RARB: variants seen among roughly 807,000 people sequenced by gnomAD.
RARB encodes HBV-activated protein.
A neutral mutation model predicts 51.9 loss-of-function variants in RARB; 17 were observed. That is an observed-to-expected ratio of 0.33 (90% CI 0.22 to 0.49). RARB has a LOEUF of 0.49. Among genes scored for constraint, RARB ranks in the 20% least tolerant of loss-of-function variants. The pLI is 0.99. For missense variants in RARB, 369 were observed against 550.8 expected, an observed-to-expected ratio of 0.67 and a Z score of 3.30; for synonymous variants, 215 against 195.4, an observed-to-expected ratio of 1.10 and a Z score of -0.84.
chr3:25,290,292 A>G (rs981668867), intron 5 of RARB, among the ~76,000 whole-genome samples: 1 of 152,190 alleles, frequency 6.6e-6, no homozygotes, highest in Non-Finnish European at 1.5e-5. Context: ...CCTTATGAGA[A>G]GACAAGATTA....
At chr3:24,871,261 G>C (rs1195400378) in intron 2 of RARB, among the ~76,000 whole-genome samples, 1 of 152,044 alleles carries the variant, frequency 6.6e-6, no homozygotes, top group Non-Finnish European at 1.5e-5. Flanking sequence ...TTTTATTTTA[G>C]TTGTTGATGT....
chr3:25,586,704 G>A (rs1291663877), intron 5 of RARB, among the ~76,000 whole-genome samples: 3 of 152,142 alleles, frequency 2.0e-5, no homozygotes, highest in Admixed American at 6.5e-5. Context: ...GCTCCTTGAC[G>A]CCCTGGAGAC....
chr3:25,580,768 G>C (rs770986192), intron 5 of RARB, 46 bp downstream of exon 5: 2 of 1,520,490 alleles, frequency 1.3e-6, no homozygotes, highest in African/African-American at 2.7e-5. Flanking sequence ...AGGGAGAGAG[G>C]GCACCGTGGA....
chr3:24,909,409 T>G (rs1360499530), intron 2 of RARB, among the ~76,000 whole-genome samples: 1 of 152,128 alleles, frequency 6.6e-6, no homozygotes, highest in Non-Finnish European at 1.5e-5. Flanking sequence ...GCACATTAAT[T>G]TTTGACGTAT....
At chr3:25,297,536 T>A (rs1022309893) in intron 5 of RARB, among the ~76,000 whole-genome samples, 4 of 152,022 alleles carry the variant, frequency 2.6e-5, no homozygotes, top group Admixed American at 2.6e-4. Flanking sequence ...GAATCATGGT[T>A]TGTTTGTTTT....
At chr3:24,866,334 C>T (rs1012781378) in intron 2 of RARB, among the ~76,000 whole-genome samples, 4 of 152,134 alleles carry the variant, frequency 2.6e-5, no homozygotes, top group African/African-American at 9.7e-5. Flanking sequence ...CCACTCTACT[C>T]TCAACTCCTC....
At chr3:25,448,988 C>G (rs561080676) in intron 1 of RARB, among the ~76,000 whole-genome samples, 48 of 151,986 alleles carry the variant, frequency 3.2e-4, no homozygotes, top group African/African-American at 1.1e-3. Context: ...TATTGCACAA[C>G]CAATTCTGGA....
chr3:25,121,566 C>A (rs972935894), intron 3 of RARB, among the ~76,000 whole-genome samples: 1 of 152,020 alleles, frequency 6.6e-6, no homozygotes, highest in African/African-American at 2.4e-5. Flanking sequence ...TTTGGCTTAG[C>A]AAGGTATTAG....
At chr3:24,945,133 T>A (rs1695746669) in intron 2 of RARB, among the ~76,000 whole-genome samples, 1 of 152,242 alleles carries the variant, frequency 6.6e-6, no homozygotes, top group African/African-American at 2.4e-5. Flanking sequence ...AATTTAGTTT[T>A]TTATAGTCTT....
intron 2 of RARB, among the ~76,000 whole-genome samples, chr3:24,883,003 C>T (rs571778962): frequency 2.0e-5 from 3 of 152,038 alleles, no homozygotes; most frequent in Admixed American, 6.6e-5. Flanking sequence ...CCTCAAACTG[C>T]GTGCAGCACT....
chr3:24,972,006 G>A (rs1696410388), intron 2 of RARB, among the ~76,000 whole-genome samples: 1 of 150,726 alleles, frequency 6.6e-6, no homozygotes, highest in Non-Finnish European at 1.5e-5. Flanking sequence ...GAACATTCGA[G>A]TTATTCTCTT....
At chr3:25,407,767 T>C (rs937540416) in intron 5 of RARB, among the ~76,000 whole-genome samples, 1 of 152,106 alleles carries the variant, frequency 6.6e-6, no homozygotes, top group African/African-American at 2.4e-5. Context: ...GCTTTTTTTT[T>C]TTTTCCTGGC....
chr3:25,478,662 A>G (rs989677675), intron 2 of RARB, among the ~76,000 whole-genome samples: 1 of 152,190 alleles, frequency 6.6e-6, no homozygotes, highest in Non-Finnish European at 1.5e-5. Context: ...TAGTATCGAC[A>G]TGACGTCTAT....
chr3:25,403,644 TA>T (rs1707325166), intron 5 of RARB, among the ~76,000 whole-genome samples: 1 of 152,086 alleles, frequency 6.6e-6, no homozygotes, highest in African/African-American at 2.4e-5. Context: ...TCTGCGATAT[TA>T]TTTTTTAATA....
intron 2 of RARB, among the ~76,000 whole-genome samples, chr3:24,976,558 T>C (rs1449875822): frequency 6.6e-6 from 1 of 152,258 alleles, no homozygotes; most frequent in Non-Finnish European, 1.5e-5. Context: ...GTTGGCTGCA[T>C]ATATGTCTTC....
chr3:25,070,136 T>C (rs1698739902), intron 3 of RARB, among the ~76,000 whole-genome samples: 1 of 152,216 alleles, frequency 6.6e-6, no homozygotes, highest in South Asian at 2.1e-4. Flanking sequence ...ACTCTATTAC[T>C]CCAATCTCTG....
chr3:25,030,080 T>A (rs1272013758), intron 2 of RARB, among the ~76,000 whole-genome samples: 1 of 152,238 alleles, frequency 6.6e-6, no homozygotes, highest in Non-Finnish European at 1.5e-5. Context: ...AGTGCTAGAA[T>A]GGAGTCATGC....
chr3:25,359,678 T>C (rs1214579166), intron 5 of RARB, among the ~76,000 whole-genome samples: 1 of 152,198 alleles, frequency 6.6e-6, no homozygotes, highest in Non-Finnish European at 1.5e-5. Flanking sequence ...TGTTGTGTCA[T>C]TGTTCTCACT....
rs538277575 is a variant in RARB, at chr3:25,455,351, ACCAT to A, written c.158-5841_158-5838del. Among the ~76,000 whole-genome samples, 947 of 152,304 alleles carry A rather than the reference ACCAT, an allele frequency of 6.2e-3. 9 individuals are homozygous for A. The highest frequency in any genetic ancestry group is 0.022 in the African/African-American group (906 of 41,558). On this transcript the variant is annotated intron_variant, in intron 1 of 7. Coordinates refer to ENST00000330688, the MANE Select transcript of RARB (RefSeq NM_000965.5). ...GGGAAAGACTAAGAAATGGTGCTTC[ACCAT>A]TGATAGTCTGAAAAGCACGAATTTA...
Sources: allele counts gnomAD v4.1 joint callset (sites outside exome capture counted in the v4.1 genomes callset), GRCh38; gene constraint gnomAD v4.1.1; transcripts MANE v1.5; gene names NCBI Gene and HGNC (gene_info 2026-07-23, HGNC 2026-07-21).